RNF121: variants seen among roughly 807,000 people sequenced by gnomAD.
The protein encoded by RNF121 is ring finger protein 121.
A neutral mutation model predicts 46.5 loss-of-function variants in RNF121; 21 were observed. That is an observed-to-expected ratio of 0.45 (90% confidence interval 0.32 to 0.65). RNF121 has a LOEUF of 0.65. RNF121 is among the 30% of genes least tolerant of loss of function. The pLI, the probability that RNF121 is intolerant of heterozygous loss-of-function variation, is 0.04. For missense variants in RNF121, 346 were observed against 416.0 expected, an observed-to-expected ratio of 0.83 and a Z score of 1.46; for synonymous variants, 139 against 144.7, an observed-to-expected ratio of 0.96 and a Z score of 0.28.
chr11:71,994,200 G>A (rs1422620741), intron 6 of RNF121, among the ~76,000 whole-genome samples: 2 of 152,150 alleles, frequency 1.3e-5, no homozygotes, highest in South Asian at 4.1e-4. Context: ...GCAACAATTT[G>A]AGATACCATG....
At chr11:71,944,477 T>C (rs756950075) in intron 1 of RNF121, among the ~76,000 whole-genome samples, 13 of 152,192 alleles carry the variant, frequency 8.5e-5, no homozygotes, top group Non-Finnish European at 1.5e-4. Context: ...ATTTATCTAA[T>C]TCTAAAATGC....
intron 5 of RNF121, among the ~76,000 whole-genome samples, chr11:71,989,400 G>T (rs773733361): frequency 3.3e-5 from 5 of 152,108 alleles, no homozygotes; most frequent in African/African-American, 4.8e-5. Flanking sequence ...AAGTTTTAAA[G>T]ATAATTCTTC....
At chr11:71,990,561 G>T (rs767340385) in intron 5 of RNF121, 36 bp from the exon 6 acceptor site, 1 of 1,610,664 alleles carries the variant, frequency 6.2e-7, no homozygotes, top group East Asian at 2.2e-5. Flanking sequence ...ATATGTCTCA[G>T]GGTGGGTCTT....
rs1954953023 is a variant in RNF121 at position 71,995,336 on chromosome 11, C to T, written c.762-114C>T. On this transcript the variant is annotated intron_variant, in intron 7 of 8. Coordinates refer to ENST00000361756, the MANE Select transcript of RNF121 (RefSeq NM_018320.5). Reference sequence around the variant, plus strand: ...AAACAGGTTCAGACACAGGGACTTGCCCAACATTACAGAGCTGATAAAGAG... The same window carrying T: ...AAACAGGTTCAGACACAGGGACTTGTCCAACATTACAGAGCTGATAAAGAG... 4 of 794,976 alleles carry T rather than the reference C, an allele frequency of 5.0e-6. No individual in the cohort carries two copies. In the Admixed American group the frequency reaches 8.6e-5, roughly 17 times the overall value. The allele number at this position is 794,976 out of a possible 1,614,324, so 49.2% of individuals were successfully genotyped here.
intron 1 of RNF121, among the ~76,000 whole-genome samples, chr11:71,947,735 G>T (rs528805882): frequency 6.6e-6 from 1 of 152,334 alleles, no homozygotes; most frequent in East Asian, 1.9e-4. Flanking sequence ...ATCAAAGTTT[G>T]TCAAAGTAGT....
chr11:71,995,848 A>G (rs756254804), intron 8 of RNF121, among the ~76,000 whole-genome samples: 4 of 152,194 alleles, frequency 2.6e-5, no homozygotes, highest in Non-Finnish European at 5.9e-5. Context: ...AAGGTGTTAC[A>G]GGAGGCCCTC....
At chr11:71,944,134 C>T (rs898468460) in intron 1 of RNF121, among the ~76,000 whole-genome samples, 1 of 152,028 alleles carries the variant, frequency 6.6e-6, no homozygotes, top group Non-Finnish European at 1.5e-5. Flanking sequence ...GAGTTCGAGA[C>T]CAGCTTGGGC....
intron 6 of RNF121, among the ~76,000 whole-genome samples, chr11:71,991,885 G>A (rs1954868690): frequency 6.6e-6 from 1 of 151,676 alleles, no homozygotes; most frequent in Non-Finnish European, 1.5e-5. Flanking sequence ...CAGGCAGATT[G>A]CTTGAGCCCA....
rs1396435982 is a variant in RNF121 at position 71,970,788 on chromosome 11, TAAAG to T, written c.243+9898_243+9901del. Among the ~76,000 whole-genome samples the T allele has an allele frequency of 2.0e-5, 3 of 152,148 alleles. No homozygotes were observed. The East Asian group carries it at 5.8e-4, about 29-fold the overall frequency. On this transcript the variant is annotated intron_variant, in intron 3 of 8. Coordinates refer to ENST00000361756, the MANE Select transcript of RNF121 (RefSeq NM_018320.5). ...TTTTTCTCTACCTAAAGTTCAAAAA[TAAAG>T]CAAGAAAGAAAGCAACTACCAAGAC... is the stretch of plus-strand genomic sequence containing the variant.
chr11:71,948,086 A>C (rs1485763214), intron 1 of RNF121, among the ~76,000 whole-genome samples: 1 of 152,190 alleles, frequency 6.6e-6, no homozygotes, highest in East Asian at 1.9e-4. Flanking sequence ...GGAAAGCTGC[A>C]GTGCATATAG....
chr11:71,957,271 G>A lies in RNF121; in HGVS notation c.101+7G>A, dbSNP rs201746342. Reference sequence around the variant, plus strand: ...CTCCAGAAGAGCAATGGAGGTAAGTGTGGTAGTTCGGGCCCTGCAGTCTAG... The same window carrying A: ...CTCCAGAAGAGCAATGGAGGTAAGTATGGTAGTTCGGGCCCTGCAGTCTAG... On this transcript the variant is annotated splice_region_variant and intron_variant, in intron 2 of 8. Coordinates refer to ENST00000361756, the MANE Select transcript of RNF121 (RefSeq NM_018320.5). The A allele has an allele frequency of 6.7e-4, 1,069 of 1,584,262 alleles. 7 individuals are homozygous for A. The Middle Eastern group carries it at 0.013, about 19-fold the overall frequency.
intron 1 of RNF121, among the ~76,000 whole-genome samples, chr11:71,956,816 C>A (rs1044723966): frequency 5.9e-5 from 9 of 151,956 alleles, no homozygotes; most frequent in African/African-American, 2.2e-4. Context: ...CACATCTCCT[C>A]CATAAAGCCT....
At chr11:71,949,065 G>C (rs1953798946) in intron 1 of RNF121, among the ~76,000 whole-genome samples, 1 of 152,046 alleles carries the variant, frequency 6.6e-6, no homozygotes, top group Non-Finnish European at 1.5e-5. Flanking sequence ...CCTACTTCTT[G>C]GACTGTGAAT....
intron 1 of RNF121, among the ~76,000 whole-genome samples, chr11:71,935,709 C>G (rs987962284): frequency 6.6e-5 from 10 of 152,108 alleles, no homozygotes; most frequent in African/African-American, 2.4e-4. Flanking sequence ...ACTAGGTGAC[C>G]TTTGAGATCT....
At chr11:71,964,653 A>G (rs1314521427) in intron 3 of RNF121, among the ~76,000 whole-genome samples, 1 of 151,912 alleles carries the variant, frequency 6.6e-6, no homozygotes, top group Non-Finnish European at 1.5e-5. Flanking sequence ...AATTTTTTGT[A>G]TTTTTGGTGG....
At chr11:71,934,656 G>A (rs1393921958) in intron 1 of RNF121, among the ~76,000 whole-genome samples, 2 of 152,218 alleles carry the variant, frequency 1.3e-5, no homozygotes, top group Non-Finnish European at 1.5e-5. Flanking sequence ...CTGAAGTTTA[G>A]TCTTGGATAT....
chr11:71,938,469 G>C (rs1953477576), intron 1 of RNF121, among the ~76,000 whole-genome samples: 1 of 151,608 alleles, frequency 6.6e-6, no homozygotes, highest in Non-Finnish European at 1.5e-5. Context: ...ATAGGCATGT[G>C]CCCCCACGCC....
At chr11:71,940,508 G>T (rs1282364800) in intron 1 of RNF121, among the ~76,000 whole-genome samples, 3 of 152,168 alleles carry the variant, frequency 2.0e-5, no homozygotes, top group Non-Finnish European at 4.4e-5. Context: ...GGATGTATTT[G>T]TGATTAGCAA....
chr11:71,940,505 T>C (rs1450058396), intron 1 of RNF121, among the ~76,000 whole-genome samples: 1 of 152,108 alleles, frequency 6.6e-6, no homozygotes, highest in African/African-American at 2.4e-5. Context: ...TGAGGATGTA[T>C]TTGTGATTAG....
Sources: allele counts gnomAD v4.1 joint callset (sites outside exome capture counted in the v4.1 genomes callset), GRCh38; gene constraint gnomAD v4.1.1; transcripts MANE v1.5; gene names NCBI Gene and HGNC (gene_info 2026-07-23, HGNC 2026-07-21).